CDH8: variants seen among roughly 807,000 people sequenced by gnomAD.
The protein encoded by CDH8 is cadherin-8.
In CDH8, 17 loss-of-function variants were observed where a neutral mutation model predicts 68.1. The ratio of observed to expected loss-of-function variants is 0.25; its 90% confidence interval spans 0.17 to 0.37. CDH8 has a LOEUF of 0.37. CDH8 is among the 10% of genes least tolerant of loss of function. The pLI, the probability that CDH8 is intolerant of heterozygous loss-of-function variation, is 1.00. For missense variants in CDH8, 763 were observed against 999.3 expected (o/e 0.76, Z 3.19); for synonymous variants, 372 against 365.1 (o/e 1.02, Z -0.21).
At chr16:61,960,248 T>TATACACACATATATACATGTGTGTGC (rs1965109177) in intron 2 of CDH8, among the ~76,000 whole-genome samples, 1 of 104,538 alleles carries the variant, frequency 9.6e-6, no homozygotes, top group Non-Finnish European at 1.8e-5. Flanking sequence ...CATGTGTGTG[T>TATACACACATATATACATGTGTGTGC]GTATACACAT....
intron 3 of CDH8, among the ~76,000 whole-genome samples, chr16:61,884,000 T>C (rs1349287459): frequency 6.6e-6 from 1 of 151,994 alleles, no homozygotes; most frequent in Non-Finnish European, 1.5e-5. Context: ...TGAATTTCTG[T>C]TAGAAAAAAA....
chr16:61,984,564 A>AT (rs1381418861), intron 2 of CDH8, among the ~76,000 whole-genome samples: 1 of 152,012 alleles, frequency 6.6e-6, no homozygotes, highest in East Asian at 1.9e-4. Flanking sequence ...AGCTAGGATC[A>AT]TAGGCATGCA....
In CDH8 at chr16:61,953,895, T is replaced by TTATATATATATATATATATATA. The variant is rs66743095; in HGVS notation, c.253-52444_253-52423dup. Among the ~76,000 whole-genome samples, 186 of 118,834 alleles carry TTATATATATATATATATATATA rather than the reference T, an allele frequency of 1.6e-3. 1 individual carries two copies. The highest frequency in any genetic ancestry group is 6.2e-3 in the African/African-American group (164 of 26,570). The allele number at this position is 118,834 out of a possible 152,430, so 78.0% of individuals were successfully genotyped here. On this transcript the variant is annotated intron_variant, in intron 2 of 11. Transcript: ENST00000577390. ...CTGTCTCAAAAAGAAAAAAAAAACT[T>TTATATATATATATATATATATA]TATATATATATATATATATATATAT...
At chr16:61,795,158 C>T (rs1450880548) in intron 7 of CDH8, among the ~76,000 whole-genome samples, 2 of 151,814 alleles carry the variant, frequency 1.3e-5, no homozygotes, top group East Asian at 3.9e-4. Flanking sequence ...TTTCTTTAAG[C>T]CAAATCACAG....
chr16:62,007,242 A>G (rs530884104), intron 2 of CDH8, among the ~76,000 whole-genome samples: 4 of 152,294 alleles, frequency 2.6e-5, no homozygotes, highest in Admixed American at 2.6e-4. Flanking sequence ...AGACAGATGT[A>G]AACTGTCCAA....
chr16:61,690,901 C>G (rs1307520291), intron 10 of CDH8, among the ~76,000 whole-genome samples: 2 of 152,002 alleles, frequency 1.3e-5, no homozygotes, highest in South Asian at 2.1e-4. Flanking sequence ...TTGTTCTACT[C>G]ATTTTTCAAC....
At chr16:61,957,598 A>G (rs1296142808) in intron 2 of CDH8, among the ~76,000 whole-genome samples, 1 of 152,238 alleles carries the variant, frequency 6.6e-6, no homozygotes, top group Non-Finnish European at 1.5e-5. Context: ...ATATAGATAT[A>G]TGAACACAAA....
chr16:61,945,326 CTTAAAAAACGG>C (rs1322835304), intron 2 of CDH8, among the ~76,000 whole-genome samples: 2 of 150,984 alleles, frequency 1.3e-5, no homozygotes, highest in Non-Finnish European at 2.9e-5. Context: ...TCAGCTGCTT[CTTAAAAAACGG>C]TTATTACTGC....
At chr16:61,835,297 A>T (rs1007791801) in intron 4 of CDH8, among the ~76,000 whole-genome samples, 2 of 151,962 alleles carry the variant, frequency 1.3e-5, no homozygotes, top group Non-Finnish European at 2.9e-5. Flanking sequence ...TTTATAATGT[A>T]GCATATTCTT....
intron 7 of CDH8, among the ~76,000 whole-genome samples, chr16:61,813,736 G>A (rs540019725): frequency 5.3e-5 from 8 of 151,886 alleles, no homozygotes; most frequent in African/African-American, 1.7e-4. Flanking sequence ...ATGTGTCTGC[G>A]TACCTAAATT....
Position 61,647,609 on chromosome 16 carries a change from C to T in CDH8, c.*5999G>A, listed in dbSNP as rs1963233019. ...TACAGAAGAAATCCCAAGAAATTAA[C>T]ATTTGGCTTTGGGGGGTGATCCCAA... is the stretch of plus-strand genomic sequence containing the variant. On this transcript the variant is annotated 3_prime_UTR_variant, in exon 12 of 12. Coordinates refer to ENST00000577390, the MANE Select transcript of CDH8 (RefSeq NM_001796.5). 1 of 551,024 alleles carries T rather than the reference C, an allele frequency of 1.8e-6. No individual in the cohort carries two copies. The highest frequency in any genetic ancestry group is 3.2e-6 in the Non-Finnish European group (1 of 310,796). 34.1% of individuals were successfully genotyped at this position (551,024 alleles called of 1,614,324 possible).
chr16:61,865,732 CT>C (rs1329541753), intron 3 of CDH8, among the ~76,000 whole-genome samples: 1 of 152,116 alleles, frequency 6.6e-6, no homozygotes, highest in Non-Finnish European at 1.5e-5. Flanking sequence ...AAAGTATTTT[CT>C]TTTCATGGGC....
chr16:61,755,754 CTTT>C (rs1960295857), intron 8 of CDH8, among the ~76,000 whole-genome samples: 1 of 138,266 alleles, frequency 7.2e-6, no homozygotes, highest in Non-Finnish European at 1.6e-5. Context: ...GAGTTTTCTT[CTTT>C]TTCTTCTTCT....
chr16:61,920,386 T>C (rs1597066527), intron 2 of CDH8, among the ~76,000 whole-genome samples: 1 of 147,644 alleles, frequency 6.8e-6, no homozygotes, highest in African/African-American at 2.5e-5. Context: ...GAATCTACAA[T>C]GAACTCAAAC....
chr16:61,721,528 G>T (rs1243725675), intron 9 of CDH8, among the ~76,000 whole-genome samples: 1 of 150,760 alleles, frequency 6.6e-6, no homozygotes, highest in African/African-American at 2.4e-5. Context: ...CCCATTCATT[G>T]CTAGTGTTTA....
Position 61,789,384 on chromosome 16 carries a change from C to T in CDH8, c.1376G>A (p.Ser459Asn). 6.2e-7 allele frequency: 1 copy of T among 1,613,012 alleles called. No homozygotes were observed. Among genetic ancestry groups the T allele is most frequent in the African/African-American group, 1.3e-5 (1 of 74,954 alleles). The part of the protein sequence containing the change: ...TLATPLDREL[S>N]VWHNITIIAT... ...AATGATTGTTATGTTGTGCCATACA[C>T]TTAATTCTCTGTCAAGTGGTGTTGC... The change falls in exon 8 of 12, where the codon AGT becomes AAT. Residue 459 changes from serine (S) to asparagine (N), a missense_variant. By Grantham distance (46) the Ser-to-Asn change is conservative. Transcript: ENST00000577390.
intron 2 of CDH8, among the ~76,000 whole-genome samples, chr16:61,933,814 T>G (rs1312421723): frequency 6.6e-6 from 1 of 152,184 alleles, no homozygotes; most frequent in East Asian, 1.9e-4. Flanking sequence ...TATGGTCTAG[T>G]ACATTTTACA....
At chr16:61,755,649 CTTTTA>C (rs537101972) in intron 8 of CDH8, among the ~76,000 whole-genome samples, 23 of 152,052 alleles carry the variant, frequency 1.5e-4, no homozygotes, top group Admixed American at 3.9e-4. Flanking sequence ...ATGATTTTCT[CTTTTA>C]TTTTATTTTA....
intron 8 of CDH8, among the ~76,000 whole-genome samples, chr16:61,732,229 T>A (rs1295298966): frequency 1.3e-5 from 2 of 151,750 alleles, no homozygotes; most frequent in African/African-American, 4.8e-5. Context: ...CCAAATTTAT[T>A]GAGAAACACT....
Sources: gnomAD v4.1 joint callset for allele counts (sites outside exome capture counted in the v4.1 genomes callset) on GRCh38, gnomAD v4.1.1 for gene constraint, MANE v1.5 for transcripts, NCBI Gene and HGNC (gene_info 2026-07-23, HGNC 2026-07-21) for gene names.